The following MYO5C variants were observed in gnomAD, a reference collection of about 807,000 sequenced individuals.
MYO5C encodes the protein unconventional myosin-Vc.
Under a neutral mutation model 235.7 loss-of-function variants are expected in MYO5C, and 194 were observed. The observed-to-expected ratio is 0.82, with a 90% CI of 0.73 to 0.93. The LOEUF is 0.93. Ranked by LOEUF, MYO5C falls within the 40% of genes least tolerant of loss-of-function variation. MYO5C has a pLI of 0.00. For missense variants in MYO5C, 2,038 were observed against 2,127.2 expected, an observed-to-expected ratio of 0.96 and a Z score of 0.82; for synonymous variants, 707 against 754.8, an observed-to-expected ratio of 0.94 and a Z score of 1.04.
intron 31 of MYO5C, among the ~76,000 whole-genome samples, chr15:52,218,925 A>G (rs1479281895): frequency 6.6e-6 from 1 of 152,184 alleles, no homozygotes; most frequent in African/African-American, 2.4e-5. Flanking sequence ...TAAGAGTTCC[A>G]TTCTCCACCC....
In MYO5C at chr15:52,204,912, G is replaced by C. The variant is rs1400318393; in HGVS notation, c.4773C>G (p.Leu1591=). ...AGGAGCACATGTCCTTGCGCAGGAA[G>C]AGGCTGTTCAGCGTGACCGCCCCGA... ...FLIGAVTLNS[L]FLRKDMCSCR... Residue 1591 remains leucine, a synonymous_variant, in exon 38 of 41, where the codon CTC becomes CTG. Transcript: ENST00000261839. The C allele has an allele frequency of 6.2e-7, 1 of 1,614,130 alleles. No homozygotes were observed.
chr15:52,275,286 T>G (rs2037016399), intron 5 of MYO5C, among the ~76,000 whole-genome samples: 1 of 152,220 alleles, frequency 6.6e-6, no homozygotes, highest in Admixed American at 6.5e-5. Flanking sequence ...ACCAGTGATG[T>G]TTGGTTTCCC....
intron 12 of MYO5C, 145 bp from the exon 13 acceptor site, chr15:52,251,660 T>C: frequency 3.8e-6 from 1 of 260,860 alleles, no homozygotes; most frequent in Non-Finnish European, 6.9e-6. Flanking sequence ...TTTATTTATT[T>C]ATTTATTTAT....
At chr15:52,261,302 C>A (rs905604477) in intron 9 of MYO5C, among the ~76,000 whole-genome samples, 175 bp from the exon 10 acceptor site, 5 of 152,260 alleles carry the variant, frequency 3.3e-5, no homozygotes, top group African/African-American at 1.2e-4. Flanking sequence ...AGCAAGGGGG[C>A]TACAGCAGCA....
intron 11 of MYO5C, among the ~76,000 whole-genome samples, chr15:52,256,420 C>A (rs867165767): frequency 3.2e-4 from 49 of 152,252 alleles, no homozygotes; most frequent in Middle Eastern, 3.4e-3. Flanking sequence ...GAGGCTCACA[C>A]ATTGGCAGGT....
At chr15:52,260,519 T>C (rs913962592) in intron 10 of MYO5C, among the ~76,000 whole-genome samples, 3 of 152,214 alleles carry the variant, frequency 2.0e-5, no homozygotes, top group African/African-American at 7.2e-5. Flanking sequence ...GACGAAGTTA[T>C]TGAGTCTTTC....
chr15:52,196,411 CAA>C lies in MYO5C; in HGVS notation c.4891_4892del (p.Leu1631GlyfsTer19), dbSNP rs1425254175. The C allele has an allele frequency of 6.2e-7, 1 of 1,614,124 alleles. No individual in the cohort carries two copies. Among genetic ancestry groups the C allele is most frequent in the Non-Finnish European group, 8.5e-7 (1 of 1,180,014 alleles). On this transcript the variant is annotated frameshift_variant, in exon 39 of 41. Coordinates refer to ENST00000261839, the MANE Select transcript of MYO5C (RefSeq NM_018728.4). LOFTEE classifies it high-confidence loss of function. ...NLQNSLAKET[L>X]EPLSQAAWLL... Reference sequence around the variant, plus strand: ...ACCAGGCTGCCTGAGAGAGGGGCTCCAAAGTTTCCTTTGCTAAGCTGTTCTGC... The same window carrying C: ...ACCAGGCTGCCTGAGAGAGGGGCTCCAGTTTCCTTTGCTAAGCTGTTCTGC...
rs202229498 is a variant in MYO5C at position 52,242,079 on chromosome 15, C to T, written c.2525G>A (p.Arg842Gln). 3.4e-5 allele frequency: 55 copies of T among 1,613,190 alleles called. No homozygotes were observed. The highest frequency in any genetic ancestry group is 2.2e-5 in the East Asian group (1 of 44,898). The change falls in exon 20 of 41, where the codon CGA becomes CAA. Residue 842 changes from arginine (R) to glutamine (Q), a missense_variant. By Grantham distance (43) the Arg-to-Gln change is conservative (BLOSUM62 1). Coordinates refer to ENST00000261839, the MANE Select transcript of MYO5C (RefSeq NM_018728.4). ...MATITMQAYS[R>Q]GFLARRRYRK... ...ATACCTCCTCCTTGCCAGGAATCCTCGGCTGTAGGCCTGCATTGTGATGGT... is the reference window on the plus strand; with the variant it reads ...ATACCTCCTCCTTGCCAGGAATCCTTGGCTGTAGGCCTGCATTGTGATGGT...
rs1196328559 is a variant in MYO5C at position 52,291,731 on chromosome 15, G to GTTTTTTT, written c.27+3872_27+3878dup. Among the ~76,000 whole-genome samples the GTTTTTTT allele has an allele frequency of 4.4e-3, 233 of 52,550 alleles. 52 individuals carry two copies. The highest frequency in any genetic ancestry group is 0.011 in the African/African-American group (138 of 12,048). The allele number at this position is 52,550 out of a possible 152,430, so 34.5% of individuals were successfully genotyped here. ...TTTTTTCTTTGTTTGCATATTTTATGTTTTTTTTTTTTTTTTTTTTTTTTT... is the reference window on the plus strand; with the variant it reads ...TTTTTTCTTTGTTTGCATATTTTATGTTTTTTTTTTTTTTTTTTTTTTTTTTTTTTTT... On this transcript the variant is annotated intron_variant, in intron 1 of 40. Coordinates refer to ENST00000261839, the MANE Select transcript of MYO5C (RefSeq NM_018728.4).
intron 38 of MYO5C, among the ~76,000 whole-genome samples, chr15:52,202,680 C>T (rs547964829): frequency 6.6e-6 from 1 of 152,248 alleles, no homozygotes; most frequent in East Asian, 1.9e-4. Flanking sequence ...TCAATGAAGA[C>T]ATAAAGATCT....
chr15:52,286,110 C>T (rs1279592466), intron 1 of MYO5C, among the ~76,000 whole-genome samples: 5 of 148,022 alleles, frequency 3.4e-5, no homozygotes, highest in African/African-American at 7.5e-5. Flanking sequence ...GGAGCCCCTC[C>T]GCCCGGCAGC....
intron 38 of MYO5C, among the ~76,000 whole-genome samples, chr15:52,198,717 G>A (rs1337857564): frequency 6.6e-6 from 1 of 151,950 alleles, no homozygotes. Flanking sequence ...GAGTAGGTGG[G>A]ACTACAGGCG....
At chr15:52,197,025 C>G (rs2035068923) in intron 38 of MYO5C, among the ~76,000 whole-genome samples, 1 of 152,150 alleles carries the variant, frequency 6.6e-6, no homozygotes, top group Admixed American at 6.5e-5. Context: ...TGAGAACCCT[C>G]AAACATTGCT....
At chr15:52,195,262 T>C in intron 40 of MYO5C, 115 bp downstream of exon 40, 1 of 669,896 alleles carries the variant, frequency 1.5e-6, no homozygotes, top group Non-Finnish European at 2.4e-6. Flanking sequence ...GCCTTTCATT[T>C]GTATATGTGG....
chr15:52,244,669 T>C, intron 18 of MYO5C, 102 bp from the exon 19 acceptor site: 1 of 789,526 alleles, frequency 1.3e-6, no homozygotes, highest in South Asian at 1.9e-5. Flanking sequence ...CCAGAAATAT[T>C]GTGATTTTGA....
At chr15:52,217,153 A>G (rs1211816211) in intron 32 of MYO5C, among the ~76,000 whole-genome samples, 1 of 152,206 alleles carries the variant, frequency 6.6e-6, no homozygotes, top group African/African-American at 2.4e-5. Flanking sequence ...TCCGCCGGCT[A>G]ATGTATAGAG....
At chr15:52,274,675 C>A (rs930247535) in intron 5 of MYO5C, among the ~76,000 whole-genome samples, 5 of 148,268 alleles carry the variant, frequency 3.4e-5, no homozygotes, top group South Asian at 2.3e-4. Flanking sequence ...TTAGTACCCC[C>A]CCCCCGACAT....
intron 19 of MYO5C, 96 bp from the exon 20 acceptor site, chr15:52,242,309 G>A (rs1000344528): frequency 6.6e-6 from 9 of 1,354,962 alleles, no homozygotes; most frequent in Non-Finnish European, 8.1e-6. Flanking sequence ...TTATAAGGAA[G>A]GTTCAAATAT....
At chr15:52,238,787 G>A (rs1012212267) in intron 21 of MYO5C, among the ~76,000 whole-genome samples, 5 of 142,292 alleles carry the variant, frequency 3.5e-5, no homozygotes, top group African/African-American at 1.1e-4. Context: ...GACTACAGGC[G>A]CCCGCCACCA....
Sources: gnomAD v4.1 joint callset for allele counts (sites outside exome capture counted in the v4.1 genomes callset) on GRCh38, gnomAD v4.1.1 for gene constraint, MANE v1.5 for transcripts, NCBI Gene and HGNC (gene_info 2026-07-23, HGNC 2026-07-21) for gene names.